Variants in SRCAP observed in about 807,000 individuals in gnomAD.
SRCAP encodes the protein chromatin remodeling protein SRCAP.
A neutral mutation model predicts 263.1 loss-of-function variants in SRCAP; 46 were observed. The observed-to-expected ratio is 0.17, with a 90% CI of 0.14 to 0.22. The LOEUF is 0.22. Ranked by LOEUF, SRCAP falls within the 10% of genes least tolerant of loss-of-function variation. The pLI, the probability that SRCAP is intolerant of heterozygous loss-of-function variation, is 1.00. For synonymous variants in SRCAP, 1,813 were observed against 1,662.1 expected, an observed-to-expected ratio of 1.09 and a Z score of -2.21; for missense variants, 3,695 against 4,181.9, an observed-to-expected ratio of 0.88 and a Z score of 3.21.
rs760264395 is a variant in SRCAP at position 30,739,592 on chromosome 16, T to C, written c.9552T>C (p.Asp3184=). ...AEASGEEEEG[D]GTPRRRPGPR... is the part of the protein sequence containing the mutation. ...CCTCAGGTGAGGAGGAGGAAGGGGA[T>C]GGGACCCCACGCCGACGTCCTGGCC... Residue 3184 remains aspartate, a synonymous_variant, in exon 34 of 34, where the codon GAT becomes GAC. Coordinates refer to ENST00000262518, the MANE Select transcript of SRCAP (RefSeq NM_006662.3). 18 of 1,601,410 alleles carry C rather than the reference T, an allele frequency of 1.1e-5. No individual in the cohort carries two copies. The highest frequency in any genetic ancestry group is 1.5e-5 in the Non-Finnish European group (18 of 1,174,728).
At chr16:30,721,609 A>C in intron 21 of SRCAP, 133 bp downstream of exon 21, 1 of 1,258,720 alleles carries the variant, frequency 7.9e-7, no homozygotes, top group Non-Finnish European at 1.1e-6. Flanking sequence ...TGGGAGGCCA[A>C]GGTGGGAGGT....
At chr16:30,725,785 G>A (rs1323586250) in intron 25 of SRCAP, 1 of 151,984 alleles carries the variant, frequency 6.6e-6, no homozygotes, top group African/African-American at 2.4e-5. Context: ...CTGTACAATA[G>A]TTTTTGGTTT....
Position 30,720,250 on chromosome 16 carries a change from T to C in SRCAP, c.2906T>C (p.Leu969Pro), listed in dbSNP as rs1440907288. Residue 969 changes from leucine to proline, a missense_variant, in exon 19 of 34, where the codon CTC (leucine) becomes CCC (proline). Around this residue, in one of 12 missense-constraint regions of SRCAP, gnomAD observed 147 missense variants for 212.7 expected, o/e 0.69. Transcript: ENST00000262518. ...GACACATTTCTGCCCCGGCACCGCC[T>C]CTCTCGCCGGGTACTGTTAGAAGTG... is the stretch of plus-strand genomic sequence containing the variant. ...EADTFLPRHR[L>P]SRRVLLEVAT... 6.2e-7 allele frequency: 1 copy of C among 1,614,170 alleles called. No homozygotes were observed. Among genetic ancestry groups the C allele is most frequent in the African/African-American group, 1.3e-5 (1 of 75,050 alleles).
chr16:30,739,674 G>A lies in SRCAP; in HGVS notation c.9634G>A (p.Ala3212Thr), dbSNP rs781775487. The change falls in exon 34 of 34, where the codon GCC becomes ACC. Residue 3212 changes from alanine (A) to threonine (T), a missense_variant. Physicochemically the swap from Ala to Thr is moderately conservative, Grantham distance 58. This residue lies in a region of SRCAP where 1,207 missense variants were observed against 1,142.9 expected (regional missense o/e 1.06). Coordinates refer to ENST00000262518, the MANE Select transcript of SRCAP (RefSeq NM_006662.3). ...GGACCAGCGCATCCTGCGCAGCAGC[G>A]CCCCTCCCTCCCTGGCTGGCCCTGC... Reference protein sequence around the residue: ...QGDQRILRSSAPPSLAGPAVS... With the variant: ...QGDQRILRSSTPPSLAGPAVS... The A allele has an allele frequency of 1.4e-5, 22 of 1,562,874 alleles. No individual in the cohort carries two copies. Among genetic ancestry groups the A allele is most frequent in the East Asian group, 4.7e-5 (2 of 42,868 alleles).
chr16:30,721,512 A>G (rs1458652872), intron 21 of SRCAP, 36 bp downstream of exon 21: 3 of 1,594,650 alleles, frequency 1.9e-6, no homozygotes, highest in African/African-American at 2.7e-5. Context: ...GGGACTTGAG[A>G]TGGGAGGAAA....
chr16:30,715,425 C>G (rs1317065357), intron 16 of SRCAP, among the ~76,000 whole-genome samples: 1 of 152,020 alleles, frequency 6.6e-6, no homozygotes. Context: ...ATTAGCCGGG[C>G]GCGGTGGCGG....
intron 6 of SRCAP, 39 bp from the exon 7 acceptor site, chr16:30,709,474 G>C (rs995095494): frequency 1.2e-6 from 2 of 1,604,506 alleles, no homozygotes; most frequent in Non-Finnish European, 1.7e-6. Flanking sequence ...TAAATAAAAT[G>C]GTTATCTTGG....
intron 6 of SRCAP, among the ~76,000 whole-genome samples, chr16:30,708,943 G>A (rs142724457): frequency 4.6e-5 from 7 of 152,114 alleles, no homozygotes; most frequent in Admixed American, 2.0e-4. Flanking sequence ...CTCTGCCTCC[G>A]GAGTAGCTGA....
At chr16:30,705,707 G>C (rs931391163) in intron 4 of SRCAP, among the ~76,000 whole-genome samples, 1 of 130,980 alleles carries the variant, frequency 7.6e-6, no homozygotes, top group African/African-American at 2.8e-5. Flanking sequence ...CCACAATTGG[G>C]TTTTTTTTTT....
rs1284649095 is a variant in SRCAP, at chr16:30,712,340, A to C, written c.1894A>C (p.Met632Leu). Reference protein sequence around the residue: ...QHIGLDWLVTMYEKKLNGILA... With the variant: ...QHIGLDWLVTLYEKKLNGILA... ...CATTGGGCTAGACTGGCTGGTTACC[A>C]TGTATGAGAAGAAGCTTAATGGCAT... is the stretch of plus-strand genomic sequence containing the variant. The change falls in exon 13 of 34, where the codon ATG becomes CTG. Residue 632 changes from methionine (M) to leucine (L), a missense_variant. By Grantham distance (15) the Met-to-Leu change is conservative. This residue lies in a region of SRCAP where 121 missense variants were observed against 330.7 expected (regional missense o/e 0.37). Coordinates refer to ENST00000262518, the MANE Select transcript of SRCAP (RefSeq NM_006662.3). 6.2e-7 allele frequency: 1 copy of C among 1,613,352 alleles called. No homozygotes were observed. The highest frequency in any genetic ancestry group is 8.5e-7 in the Non-Finnish European group (1 of 1,179,666).
Position 30,738,998 on chromosome 16 carries a change from T to C in SRCAP, c.8958T>C (p.Thr2986=), listed in dbSNP as rs368889629. The part of the protein sequence containing the change: ...TPLPPLLVCP[T]ATVANTVTTV... ...TCCCACCACTGCTAGTTTGTCCCAC[T>C]GCTACTGTTGCCAACACTGTCACCA... Residue 2986 remains threonine, a synonymous_variant, in exon 34 of 34, where the codon ACT becomes ACC. Coordinates refer to ENST00000262518, the MANE Select transcript of SRCAP (RefSeq NM_006662.3). The C allele has an allele frequency of 1.2e-4, 199 of 1,613,984 alleles. No individual in the cohort carries two copies. The highest frequency in any genetic ancestry group is 1.6e-4 in the Non-Finnish European group (188 of 1,179,996).
Position 30,712,166 on chromosome 16 carries a change from A to G in SRCAP, c.1815+9A>G. 3 of 1,611,172 alleles carry G rather than the reference A, an allele frequency of 1.9e-6. No homozygotes were observed. The highest frequency in any genetic ancestry group is 2.5e-6 in the Non-Finnish European group (3 of 1,177,694). On this transcript the variant is annotated intron_variant, in intron 12 of 33. Coordinates refer to ENST00000262518, the MANE Select transcript of SRCAP (RefSeq NM_006662.3). The stretch of plus-strand genomic sequence containing the variant: ...CGCTGGCCACGACCCAGGTATCCCC[A>G]GGTTCTGGCCTCTCCTTTCTCATGT...
In SRCAP at chr16:30,724,843, G is replaced by T. The variant is rs1465039130; in HGVS notation, c.5419G>T (p.Ala1807Ser). Residue 1807 changes from alanine to serine, a missense_variant, in exon 25 of 34, where the codon GCG becomes TCG. By Grantham distance (99) the Ala-to-Ser change is moderately conservative. Coordinates refer to ENST00000262518, the MANE Select transcript of SRCAP (RefSeq NM_006662.3). ...TLGPAAAQTL[A>S]LAPASTQSPA... ...GGGCCCGGCCGCAGCTCAGACCTTGGCGCTGGCCCCAGCCTCCACACAGTC... is the reference window on the plus strand; with the variant it reads ...GGGCCCGGCCGCAGCTCAGACCTTGTCGCTGGCCCCAGCCTCCACACAGTC... 6.2e-7 allele frequency: 1 copy of T among 1,613,932 alleles called. No homozygotes were observed. The highest frequency in any genetic ancestry group is 1.7e-5 in the Admixed American group (1 of 60,018).
intron 4 of SRCAP, among the ~76,000 whole-genome samples, chr16:30,706,061 C>T (rs1329965047): frequency 1.3e-5 from 2 of 152,130 alleles, no homozygotes; most frequent in Non-Finnish European, 1.5e-5. Flanking sequence ...GGTCTAATAT[C>T]CACGTCTTTC....
At position 30,723,541 on chromosome 16, in the gene SRCAP, C is replaced by T. The variant is rs755969812; in HGVS notation, c.4160-43C>T. 3.8e-6 allele frequency: 6 copies of T among 1,575,494 alleles called. No homozygotes were observed. In the Admixed American group the frequency reaches 5.3e-5, roughly 14 times the overall value. On this transcript the variant is annotated intron_variant, in intron 24 of 33. Coordinates refer to ENST00000262518, the MANE Select transcript of SRCAP (RefSeq NM_006662.3). ...AGATGGGACAGGGAGTAGAAAGGCTCAGGAAAAGAATTCTGGGGCTAACTC... is the reference window on the plus strand; with the variant it reads ...AGATGGGACAGGGAGTAGAAAGGCTTAGGAAAAGAATTCTGGGGCTAACTC...
chr16:30,724,240 C>G lies in SRCAP; in HGVS notation c.4816C>G (p.Leu1606Val). 1 of 1,614,154 alleles carries G rather than the reference C, an allele frequency of 6.2e-7. No homozygotes were observed. The highest frequency in any genetic ancestry group is 8.5e-7 in the Non-Finnish European group (1 of 1,180,018). The stretch of plus-strand genomic sequence containing the variant: ...TCTGGCTCCTTCTCCAGCTCCTCCT[C>G]TGGCTCCTCTTCCGGTCCTGGCACC... ...AILAPSPAPP[L>V]APLPVLAPSP... Residue 1606 changes from leucine (L) to valine (V), a missense_variant, in exon 25 of 34, where the codon CTG (leucine) becomes GTG (valine). By Grantham distance (32) the Leu-to-Val change is conservative. This residue lies in a region of SRCAP where 1,347 missense variants were observed against 1,304.4 expected (regional missense o/e 1.03). Transcript: ENST00000262518.
chr16:30,723,711 T>C lies in SRCAP; in HGVS notation c.4287T>C (p.Ser1429=). 6.2e-7 allele frequency: 1 copy of C among 1,614,086 alleles called. No individual in the cohort carries two copies. Among genetic ancestry groups the C allele is most frequent in the Non-Finnish European group, 8.5e-7 (1 of 1,179,986 alleles). The change falls in exon 25 of 34, where the codon TCT becomes TCC. Residue 1429 remains serine, a synonymous_variant. Transcript: ENST00000262518. ...CTCCCCTTGCTAGTCCTGTGTCCTC[T>C]ACAGTCTCAGTTCCATTGTCATCTT... ...NSSPLASPVS[S]TVSVPLSSSL...
chr16:30,710,515 G>A (rs1480352229), intron 8 of SRCAP: 3 of 751,334 alleles, frequency 4.0e-6, no homozygotes, highest in African/African-American at 3.4e-5. Context: ...ATGGGGAAGT[G>A]TTGGGTGCCT....
chr16:30,712,877 C>A lies in SRCAP; in HGVS notation c.2130+62C>A, dbSNP rs549066969. 723 of 1,569,570 alleles carry A rather than the reference C, an allele frequency of 4.6e-4. 1 individual carries two copies. Among genetic ancestry groups the A allele is most frequent in the Admixed American group, 5.4e-4 (28 of 51,448 alleles). On this transcript the variant is annotated intron_variant, in intron 14 of 33. Coordinates refer to ENST00000262518, the MANE Select transcript of SRCAP (RefSeq NM_006662.3). ...TGCCTCCTTTATTTTTAAGCCCTTT[C>A]CTCAGGTGAATTCCTTTCTCTCCTC...
Sources: gnomAD v4.1 joint callset for allele counts (sites outside exome capture counted in the v4.1 genomes callset) on GRCh38, gnomAD v4.1.1 for gene constraint, gnomAD v4.1.1 regional missense constraint, MANE v1.5 for transcripts, NCBI Gene and HGNC (gene_info 2026-07-23, HGNC 2026-07-21) for gene names.